The following CKS1B variants were observed in gnomAD, a reference collection of about 807,000 sequenced individuals.
CKS1B encodes CDC28 protein kinase regulatory subunit 1B.
CKS1B carries 5 observed loss-of-function variants against 12.2 expected under a neutral mutation model. The observed-to-expected ratio is 0.41, with a 90% CI of 0.21 to 0.86. The LOEUF (loss-of-function observed/expected upper bound fraction) is 0.86. Ranked by LOEUF, CKS1B falls within the 40% of genes least tolerant of loss-of-function variation. The probability of loss-of-function intolerance (pLI) is 0.32; values close to 1 mark genes in which losing one functional copy is unlikely to be tolerated. For missense variants in CKS1B, 53 were observed against 99.9 expected (o/e 0.53, Z 2.00); for synonymous variants, 24 against 34.4 (o/e 0.70, Z 1.06).
intron 1 of CKS1B, chr1:154,977,416 ATTTC>A (rs2102229655): frequency 6.6e-6 from 1 of 152,148 alleles, no homozygotes; most frequent in African/African-American, 2.4e-5. Flanking sequence ...CCCCTGGCCT[ATTTC>A]TTCTGTATTT....
rs751706349 is a variant in CKS1B, at chr1:154,977,999, G to A, written c.72G>A (p.Leu24=). The A allele has an allele frequency of 1.2e-6, 2 of 1,613,628 alleles. No individual in the cohort carries two copies. Among genetic ancestry groups the A allele is most frequent in the Non-Finnish European group, 1.7e-6 (2 of 1,179,848 alleles). Residue 24 remains leucine (L), a synonymous_variant, in exon 2 of 3, where the codon CTG becomes CTA. Transcript: ENST00000308987. ...DEEFEYRHVM[L]PKDIAKLVPK... ...GTTTCTGTTACAGACATGTCATGCT[G>A]CCCAAGGACATAGCCAAGCTGGTCC...
intron 1 of CKS1B, chr1:154,977,313 C>G (rs571876812): frequency 6.6e-6 from 1 of 152,062 alleles, no homozygotes; most frequent in South Asian, 2.1e-4. Flanking sequence ...CGGGGTTTCA[C>G]GTTGTTGGTC....
chr1:154,975,050 G>C, intron 1 of CKS1B: 2 of 950,964 alleles, frequency 2.1e-6, no homozygotes, highest in African/African-American at 1.6e-5. Flanking sequence ...CGTGGTTAGG[G>C]TACTGACCAC....
At chr1:154,974,891 A>G (rs1322621438) in intron 1 of CKS1B, 87 bp downstream of exon 1, 4 of 1,613,912 alleles carry the variant, frequency 2.5e-6, no homozygotes, top group Non-Finnish European at 3.4e-6. Context: ...CTGAGGCGAT[A>G]GAATTGGCGC....
chr1:154,978,035 T>A lies in CKS1B; in HGVS notation c.108T>A (p.His36Gln), dbSNP rs764935508. ...KDIAKLVPKT[H>Q]LMSESEWRNL... is the part of the protein sequence containing the mutation. ...TAGCCAAGCTGGTCCCTAAAACCCA[T>A]CTGATGTCTGAATCTGAATGGAGGA... Residue 36 changes from histidine (H) to glutamine (Q), a missense_variant, in exon 2 of 3, where the codon CAT (histidine) becomes CAA (glutamine). By Grantham distance (24) the His-to-Gln change is conservative. Transcript: ENST00000308987. 6.2e-7 allele frequency: 1 copy of A among 1,614,102 alleles called. No individual in the cohort carries two copies. The highest frequency in any genetic ancestry group is 8.5e-7 in the Non-Finnish European group (1 of 1,179,976).
intron 1 of CKS1B, chr1:154,975,065 A>G: frequency 1.2e-6 from 1 of 806,984 alleles, no homozygotes; most frequent in Non-Finnish European, 2.1e-6. Flanking sequence ...GACCACCCTC[A>G]CCCATGAGGC....
At chr1:154,975,172 CA>C (rs1394606618) in intron 1 of CKS1B, 2 of 587,140 alleles carry the variant, frequency 3.4e-6, no homozygotes, top group Non-Finnish European at 6.1e-6. Flanking sequence ...GAGAACGTAG[CA>C]AAAGCGGAGC....
intron 1 of CKS1B, among the ~76,000 whole-genome samples, chr1:154,975,370 C>T (rs1657137457): frequency 6.6e-6 from 1 of 152,130 alleles, no homozygotes; most frequent in Admixed American, 6.5e-5. Flanking sequence ...CTAATAGATG[C>T]CCTTTAAATA....
chr1:154,978,475 C>T (rs1657244431), intron 2 of CKS1B: 1 of 558,222 alleles, frequency 1.8e-6, no homozygotes, highest in African/African-American at 1.9e-5. Flanking sequence ...ACCAGACACC[C>T]AGCTGCCAGG....
chr1:154,978,063 C>A lies in CKS1B; in HGVS notation c.136C>A (p.Leu46Ile). 6.2e-7 allele frequency: 1 copy of A among 1,614,154 alleles called. No homozygotes were observed. The highest frequency in any genetic ancestry group is 8.5e-7 in the Non-Finnish European group (1 of 1,180,022). Reference protein sequence around the residue: ...HLMSESEWRNLGVQQSQGWVH... With the variant: ...HLMSESEWRNIGVQQSQGWVH... ...GATGTCTGAATCTGAATGGAGGAATCTTGGCGTTCAGCAGAGTCAGGGATG... is the reference window on the plus strand; with the variant it reads ...GATGTCTGAATCTGAATGGAGGAATATTGGCGTTCAGCAGAGTCAGGGATG... Residue 46 changes from leucine to isoleucine, a missense_variant, in exon 2 of 3, where the codon CTT becomes ATT. Physicochemically the swap from Leu to Ile is conservative, Grantham distance 5. Transcript: ENST00000308987.
At position 154,978,130 on chromosome 1, in the gene CKS1B, A is replaced by G. The variant is rs773439197; in HGVS notation, c.187+16A>G. The G allele has an allele frequency of 2.5e-6, 4 of 1,612,618 alleles. No homozygotes were observed. In the Admixed American group the frequency reaches 6.7e-5, roughly 27 times the overall value. On this transcript the variant is annotated intron_variant, in intron 2 of 2. Coordinates refer to ENST00000308987, the MANE Select transcript of CKS1B (RefSeq NM_001826.3). ...CATGAACCAGGTCAGTGCACTGGCT[A>G]AAAACAACCATATAGAACTGCTACA...
chr1:154,978,179 T>G lies in CKS1B; in HGVS notation c.187+65T>G, dbSNP rs761642124. 3.0e-5 allele frequency: 45 copies of G among 1,494,784 alleles called. No homozygotes were observed. The South Asian group carries it at 3.5e-4, about 12-fold the overall frequency. 92.6% of individuals were successfully genotyped at this position (1,494,784 alleles called of 1,614,324 possible). ...CACTGAGAGAATGAAAGAATAAGAT[T>G]GTATAACCCAAATAGGGAGATAGGA... On this transcript the variant is annotated intron_variant, in intron 2 of 2. Transcript: ENST00000308987.
intron 2 of CKS1B, 51 bp downstream of exon 2, chr1:154,978,165 T>C: frequency 6.4e-7 from 1 of 1,572,568 alleles, no homozygotes; most frequent in Non-Finnish European, 8.6e-7. Flanking sequence ...ACTGAGAGAA[T>C]GAAAGAATAA....
chr1:154,974,927 TG>T (rs1558067994), intron 1 of CKS1B, 123 bp downstream of exon 1: 11 of 1,613,494 alleles, frequency 6.8e-6, no homozygotes, highest in Non-Finnish European at 8.5e-6. Context: ...GAACGGGCAA[TG>T]GTGTGATATT....
chr1:154,976,931 G>A (rs1157976421), intron 1 of CKS1B, among the ~76,000 whole-genome samples: 1 of 152,102 alleles, frequency 6.6e-6, no homozygotes. Context: ...TGCTATGAAG[G>A]GAGACTTATC....
intron 1 of CKS1B, chr1:154,977,763 C>A (rs935447384): frequency 4.0e-6 from 2 of 493,876 alleles, no homozygotes. Flanking sequence ...AACTTAAGTG[C>A]TCATTCACTG....
Position 154,978,842 on chromosome 1 carries a change from G to A in CKS1B, c.*65G>A. ...TGTCCTTACTTCCTAACATCTTTCT[G>A]ATAACATTATTATGTTGCCTTCTTG... On this transcript the variant is annotated 3_prime_UTR_variant, in exon 3 of 3. Coordinates refer to ENST00000308987, the MANE Select transcript of CKS1B (RefSeq NM_001826.3). 8.4e-6 allele frequency: 8 copies of A among 955,148 alleles called. No homozygotes were observed. The South Asian group carries it at 1.1e-4, about 13-fold the overall frequency. The allele number at this position is 955,148 out of a possible 1,614,324, so 59.2% of individuals were successfully genotyped here.
intron 2 of CKS1B, chr1:154,978,524 A>G: frequency 1.7e-6 from 1 of 596,602 alleles, no homozygotes; most frequent in East Asian, 2.8e-5. Flanking sequence ...GTATAAACAT[A>G]GCAAAAGAAC....
Position 154,978,893 on chromosome 1 carries a change from G to A in CKS1B, c.*116G>A. 1 of 705,330 alleles carries A rather than the reference G, an allele frequency of 1.4e-6. No individual in the cohort carries two copies. The highest frequency in any genetic ancestry group is 2.5e-6 in the Non-Finnish European group (1 of 401,890). 43.7% of individuals were successfully genotyped at this position (705,330 alleles called of 1,614,324 possible). On this transcript the variant is annotated 3_prime_UTR_variant, in exon 3 of 3. Transcript: ENST00000308987. ...TTTCTCACTTTGATATTTAAAAGAT[G>A]TTCAATACACTGTTTGAATGTGCTG... is the stretch of plus-strand genomic sequence containing the variant.
Sources: gnomAD v4.1 joint callset for allele counts (sites outside exome capture counted in the v4.1 genomes callset) on GRCh38, gnomAD v4.1.1 for gene constraint, MANE v1.5 for transcripts, NCBI Gene and HGNC (gene_info 2026-07-23, HGNC 2026-07-21) for gene names.